The following ENOX1 variants were observed in gnomAD, a reference collection of about 807,000 sequenced individuals.
The protein encoded by ENOX1 is ecto-NOX disulfide-thiol exchanger 1, also known as candidate growth-related and time keeping constitutive hydroquinone (NADH) oxidase.
In ENOX1, 42 loss-of-function variants were observed where a neutral mutation model predicts 82.5. That is an observed-to-expected ratio of 0.51 (90% CI 0.40 to 0.66). The LOEUF (loss-of-function observed/expected upper bound fraction) is 0.66. Ranked by LOEUF, ENOX1 falls within the 30% of genes least tolerant of loss-of-function variation. The pLI is 0.00. For synonymous variants in ENOX1, 271 were observed against 282.2 expected, an observed-to-expected ratio of 0.96 and a Z score of 0.40; for missense variants, 608 against 811.6, an observed-to-expected ratio of 0.75 and a Z score of 3.05.
intron 9 of ENOX1, among the ~76,000 whole-genome samples, chr13:43,327,766 C>T (rs1029356849): frequency 6.6e-6 from 1 of 152,102 alleles, no homozygotes; most frequent in African/African-American, 2.4e-5. Context: ...ACACTTGGTG[C>T]CATAATTTTT....
At chr13:43,223,583 G>C in intron 16 of ENOX1, among the ~76,000 whole-genome samples, 1 of 152,126 alleles carries the variant, frequency 6.6e-6, no homozygotes, top group East Asian at 1.9e-4. Flanking sequence ...TTTCTACTTA[G>C]AGAACAACGC....
rs1209203271 is a variant in ENOX1, at chr13:43,235,783, A to G, written c.1714+853T>C. ...AGGCACTATTTCTGCCAGATAATGA[A>G]CTGCTGAAGAACAGTTTGTCTTGCA... On this transcript the variant is annotated intron_variant, in intron 15 of 16. Coordinates refer to ENST00000690772, the MANE Select transcript of ENOX1 (RefSeq NM_001347969.2). Among the ~76,000 whole-genome samples, 3 of 151,968 alleles carry G rather than the reference A, an allele frequency of 2.0e-5. No homozygotes were observed. In the East Asian group the frequency reaches 5.8e-4, roughly 29 times the overall value.
chr13:43,628,806 A>C (rs748257976), intron 2 of ENOX1, among the ~76,000 whole-genome samples: 1 of 152,200 alleles, frequency 6.6e-6, no homozygotes, highest in Non-Finnish European at 1.5e-5. Flanking sequence ...CCAGGTATAA[A>C]GGTCCAGGTT....
chr13:43,226,452 C>A (rs1171217061), intron 15 of ENOX1, among the ~76,000 whole-genome samples: 2 of 152,200 alleles, frequency 1.3e-5, no homozygotes, highest in African/African-American at 4.8e-5. Context: ...TTTCTTCTAG[C>A]TATTCTGAAG....
chr13:43,735,696 G>C (rs2089593029), intron 1 of ENOX1, among the ~76,000 whole-genome samples: 1 of 152,140 alleles, frequency 6.6e-6, no homozygotes, highest in South Asian at 2.1e-4. Flanking sequence ...ACTCCAGCCT[G>C]GGTGACAGAG....
chr13:43,627,574 T>C (rs2083020598), intron 2 of ENOX1, among the ~76,000 whole-genome samples: 1 of 152,084 alleles, frequency 6.6e-6, no homozygotes, highest in African/African-American at 2.4e-5. Flanking sequence ...AAATATTTCC[T>C]CTGCATTTAT....
At position 43,530,464 on chromosome 13, in the gene ENOX1, A is replaced by G. The variant is rs2078163035; in HGVS notation, c.-218-46312T>C. 2.0e-5 allele frequency among the ~76,000 whole-genome samples: 3 copies of G among 152,114 alleles called. No homozygotes were observed. In the South Asian group the frequency reaches 6.2e-4, roughly 31 times the overall value. On this transcript the variant is annotated intron_variant, in intron 2 of 16. Coordinates refer to ENST00000690772, the MANE Select transcript of ENOX1 (RefSeq NM_001347969.2). ...AGTGGTACTAAGAAATGAAAATTAT[A>G]TGGCTTAGAAAATGGTTTAGCAGAA... is the stretch of plus-strand genomic sequence containing the variant.
intron 2 of ENOX1, among the ~76,000 whole-genome samples, chr13:43,604,724 T>C (rs1205956254): frequency 6.6e-6 from 1 of 152,160 alleles, no homozygotes; most frequent in Non-Finnish European, 1.5e-5. Flanking sequence ...ATGACATCAA[T>C]GCCCACTTTC....
intron 1 of ENOX1, among the ~76,000 whole-genome samples, chr13:43,772,488 A>C (rs1332041772): frequency 6.6e-6 from 1 of 152,040 alleles, no homozygotes; most frequent in East Asian, 1.9e-4. Context: ...AAAAATGGGA[A>C]AGAAGATCCC....
At position 43,576,312 on chromosome 13, in the gene ENOX1, T is replaced by C. The variant is rs188059039; in HGVS notation, c.-219+91167A>G. Among the ~76,000 whole-genome samples, 10 of 152,350 alleles carry C rather than the reference T, an allele frequency of 6.6e-5. No individual in the cohort carries two copies. The East Asian group carries it at 1.7e-3, about 26-fold the overall frequency. On this transcript the variant is annotated intron_variant, in intron 2 of 16. Coordinates refer to ENST00000690772, the MANE Select transcript of ENOX1 (RefSeq NM_001347969.2). ...TTCTAAGACTCAATCCACTTGCCGC[T>C]ATTTTCTGCTTTCTCTAGGAAAGCT...
intron 9 of ENOX1, among the ~76,000 whole-genome samples, chr13:43,331,945 C>T (rs967970345): frequency 6.6e-6 from 1 of 152,084 alleles, no homozygotes; most frequent in African/African-American, 2.4e-5. Context: ...AGAATGAATA[C>T]GGTCAAACCC....
At chr13:43,415,493 T>A (rs941874387) in intron 3 of ENOX1, among the ~76,000 whole-genome samples, 1 of 152,092 alleles carries the variant, frequency 6.6e-6, no homozygotes, top group Non-Finnish European at 1.5e-5. Context: ...ACAAAGCACA[T>A]CTTGCACCAC....
intron 8 of ENOX1, among the ~76,000 whole-genome samples, chr13:43,352,824 C>T (rs1048592426): frequency 2.6e-5 from 4 of 152,158 alleles, no homozygotes; most frequent in Non-Finnish European, 4.4e-5. Flanking sequence ...AAGATCCTCC[C>T]TCTCTCACTC....
At chr13:43,600,824 T>C (rs1020982011) in intron 2 of ENOX1, among the ~76,000 whole-genome samples, 1 of 152,124 alleles carries the variant, frequency 6.6e-6, no homozygotes, top group Non-Finnish European at 1.5e-5. Flanking sequence ...CAGCTCAGCA[T>C]TGAGAGAGAG....
At chr13:43,564,335 G>GA (rs549773453) in intron 2 of ENOX1, among the ~76,000 whole-genome samples, 2 of 151,046 alleles carry the variant, frequency 1.3e-5, no homozygotes, top group Admixed American at 6.6e-5. Context: ...CACAGAAATA[G>GA]AAAAAAAATC....
chr13:43,437,723 T>C (rs1162024892), intron 3 of ENOX1, among the ~76,000 whole-genome samples: 3 of 152,212 alleles, frequency 2.0e-5, no homozygotes, highest in Non-Finnish European at 4.4e-5. Flanking sequence ...ATCCATTCTT[T>C]TTCCCATTCA....
chr13:43,364,564 A>G (rs1433448699), intron 5 of ENOX1, among the ~76,000 whole-genome samples: 4 of 152,332 alleles, frequency 2.6e-5, no homozygotes, highest in Non-Finnish European at 5.9e-5. Flanking sequence ...ACAAAAAAAA[A>G]TCCTGTTTAC....
chr13:43,718,233 T>C (rs627907), intron 1 of ENOX1, among the ~76,000 whole-genome samples: 116,955 of 151,802 alleles, frequency 0.77, 48,028 homozygotes, highest in South Asian at 0.93. Context: ...TTTGTAGCAA[T>C]ATAGACTGAG....
chr13:43,760,436 G>T (rs1950899228), intron 1 of ENOX1, among the ~76,000 whole-genome samples: 1 of 152,112 alleles, frequency 6.6e-6, no homozygotes. Flanking sequence ...TAGAGGAACA[G>T]AACTCCCACT....
Sources: allele counts gnomAD v4.1 joint callset (sites outside exome capture counted in the v4.1 genomes callset), GRCh38; gene constraint gnomAD v4.1.1; transcripts MANE v1.5; gene names NCBI Gene and HGNC (gene_info 2026-07-23, HGNC 2026-07-21).